Variants in GDF6 observed in about 807,000 individuals in gnomAD.
The protein encoded by GDF6 is growth differentiation factor 6, also known as growth/differentiation factor 6.
Under a neutral mutation model 32.4 loss-of-function variants are expected in GDF6, and 3 were observed. The ratio of observed to expected loss-of-function variants is 0.09; its 90% CI spans 0.04 to 0.24. The LOEUF is 0.24. Among genes scored for constraint, GDF6 ranks in the 10% least tolerant of loss-of-function variants. GDF6 has a pLI of 1.00. For synonymous variants in GDF6, 296 were observed against 295.3 expected (o/e 1.00, Z -0.03); for missense variants, 589 against 637.9 (o/e 0.92, Z 0.83).
At position 96,145,123 on chromosome 8, in the gene GDF6, G is replaced by A. The variant is rs866273025; in HGVS notation, c.808C>T (p.Arg270Trp). Residue 270 changes from arginine (R) to tryptophan (W), a missense_variant, in exon 2 of 2, where the codon CGG becomes TGG. Around this residue, in one of 2 missense-constraint regions of GDF6, gnomAD observed 436 missense variants for 411.2 expected, o/e 1.06. Coordinates refer to ENST00000287020, the MANE Select transcript of GDF6 (RefSeq NM_001001557.4). The surrounding 1 kb of genome is among the most constrained non-coding windows in gnomAD (Gnocchi z 5.6). ...AGCAGGGCCCGCTCCTGGGGAGGCCGCACCCTCCGGCCGAAGCCCAGACTC... is the reference window on the plus strand; with the variant it reads ...AGCAGGGCCCGCTCCTGGGGAGGCCACACCCTCCGGCCGAAGCCCAGACTC... Reference protein sequence around the residue: ...LRSLGFGRRVRPPQERALLVV... With the variant: ...LRSLGFGRRVWPPQERALLVV... The A allele has an allele frequency of 5.3e-6, 8 of 1,515,410 alleles. No homozygotes were observed. Among genetic ancestry groups the A allele is most frequent in the Admixed American group, 2.0e-5 (1 of 49,814 alleles). The allele number at this position is 1,515,410 out of a possible 1,614,324, so 93.9% of individuals were successfully genotyped here.
At chr8:96,153,792 G>A (rs943596101) in intron 1 of GDF6, among the ~76,000 whole-genome samples, 4 of 152,118 alleles carry the variant, frequency 2.6e-5, no homozygotes, top group Non-Finnish European at 5.9e-5. Context: ...ATTGGACTCA[G>A]CACCCAGGGG....
chr8:96,159,573 A>T (rs994951202), intron 1 of GDF6, among the ~76,000 whole-genome samples: 1 of 152,058 alleles, frequency 6.6e-6, no homozygotes, highest in African/African-American at 2.4e-5. Context: ...AGTACCCACA[A>T]CCTCCGAACT....
Position 96,156,001 on chromosome 8 carries a change from C to T in GDF6, c.406+4286G>A, listed in dbSNP as rs1218221495. On this transcript the variant is annotated intron_variant, in intron 1 of 1. Transcript: ENST00000287020. Reference sequence around the variant, plus strand: ...ATGCCCTCCCCGCAGCCGGGCTATTCCCAGAATGGTCCTGCTCTGCCCTTT... The same window carrying T: ...ATGCCCTCCCCGCAGCCGGGCTATTTCCAGAATGGTCCTGCTCTGCCCTTT... 2.0e-5 allele frequency among the ~76,000 whole-genome samples: 3 copies of T among 152,256 alleles called. No homozygotes were observed. In the East Asian group the frequency reaches 5.8e-4, roughly 29 times the overall value.
rs1193654817 is a variant in GDF6 at position 96,143,989 on chromosome 8, CCTAT to C, written c.*570_*573del. On this transcript the variant is annotated 3_prime_UTR_variant, in exon 2 of 2. Coordinates refer to ENST00000287020, the MANE Select transcript of GDF6 (RefSeq NM_001001557.4). ...CTTAACTATTCTTTTTGCCAATTTC[CCTAT>C]CTAACACTTTCTGTGTGGGAGGGCA... 1.9e-5 allele frequency: 3 copies of C among 160,036 alleles called. No individual in the cohort carries two copies. Among genetic ancestry groups the C allele is most frequent in the Admixed American group, 5.8e-5 (1 of 17,348 alleles). 9.9% of individuals were successfully genotyped at this position (160,036 alleles called of 1,614,324 possible). A position where few individuals can be genotyped will look rare whatever the true frequency, so the allele number is the denominator to read the frequency against.
At chr8:96,156,749 G>A (rs1354562746) in intron 1 of GDF6, among the ~76,000 whole-genome samples, 1 of 152,200 alleles carries the variant, frequency 6.6e-6, no homozygotes, top group African/African-American at 2.4e-5. Flanking sequence ...ACAGGAGGAA[G>A]CAAAGCACAC....
At chr8:96,159,226 T>C (rs1812719828) in intron 1 of GDF6, among the ~76,000 whole-genome samples, 1 of 152,218 alleles carries the variant, frequency 6.6e-6, no homozygotes, top group African/African-American at 2.4e-5. Flanking sequence ...TTCTCTTTAC[T>C]CTTCCTTTCC....
Position 96,145,026 on chromosome 8 carries a change from G to A in GDF6, c.905C>T (p.Ala302Val). 1 of 1,429,676 alleles carries A rather than the reference G, an allele frequency of 7.0e-7. No homozygotes were observed. The highest frequency in any genetic ancestry group is 9.2e-7 in the Non-Finnish European group (1 of 1,092,620). The allele number at this position is 1,429,676 out of a possible 1,614,324, so 88.6% of individuals were successfully genotyped here. ...EMREQLGSAE[A>V]AGPGAGAEGS... ...CTCGGCGCCCGCGCCCGGGCCCGCAGCCTCGGCCGAGCCCAGCTGCTCGCG... is the reference window on the plus strand; with the variant it reads ...CTCGGCGCCCGCGCCCGGGCCCGCAACCTCGGCCGAGCCCAGCTGCTCGCG... Residue 302 changes from alanine to valine, a missense_variant, in exon 2 of 2, where the codon GCT becomes GTT. Transcript: ENST00000287020. The surrounding 1 kb of genome is among the most constrained non-coding windows in gnomAD (Gnocchi z 5.6).
At chr8:96,155,887 C>A (rs1275657823) in intron 1 of GDF6, among the ~76,000 whole-genome samples, 1 of 152,194 alleles carries the variant, frequency 6.6e-6, no homozygotes. Context: ...CACCACTCTG[C>A]GGCTCAGGTC....
chr8:96,159,484 C>T (rs1475848535), intron 1 of GDF6, among the ~76,000 whole-genome samples: 3 of 152,172 alleles, frequency 2.0e-5, no homozygotes, highest in African/African-American at 7.2e-5. Context: ...CCCCACCAGC[C>T]CTCAGGAATA....
intron 1 of GDF6, 35 bp downstream of exon 1, chr8:96,160,252 C>A (rs200572271): frequency 1.9e-6 from 3 of 1,612,020 alleles, no homozygotes; most frequent in Non-Finnish European, 2.5e-6. Context: ...CGAGCTCCAG[C>A]GGGAGGGGAG....
intron 1 of GDF6, among the ~76,000 whole-genome samples, chr8:96,154,324 T>C (rs1812623146): frequency 6.6e-6 from 1 of 152,056 alleles, no homozygotes; most frequent in Non-Finnish European, 1.5e-5. Flanking sequence ...CGCCCGCCCC[T>C]TCCAAGCTCT....
In GDF6 at chr8:96,160,543, C is replaced by T. The variant is rs756784754; in HGVS notation, c.150G>A (p.Lys50=). 1 of 1,613,604 alleles carries T rather than the reference C, an allele frequency of 6.2e-7. No individual in the cohort carries two copies. The highest frequency in any genetic ancestry group is 8.5e-7 in the Non-Finnish European group (1 of 1,179,696). The stretch of plus-strand genomic sequence containing the variant: ...CACTGTCGCGCGGCGCCCGCTGCAT[C>T]TTGCCTTCCTTGCGGCTTCGCATGC... ...TKGMRSRKEG[K]MQRAPRDSDA... The change falls in exon 1 of 2, where the codon AAG becomes AAA. Residue 50 remains lysine (K), a synonymous_variant. Transcript: ENST00000287020.
chr8:96,146,701 CACACACAG>C (rs1167469809), intron 1 of GDF6, among the ~76,000 whole-genome samples: 18 of 129,786 alleles, frequency 1.4e-4, no homozygotes, highest in African/African-American at 6.1e-4. Flanking sequence ...CACACACACA[CACACACAG>C]AGAGAGAGAG....
chr8:96,144,292 A>AGAGGGAG lies in GDF6; in HGVS notation c.*270_*271insCTCCCTC, dbSNP rs1812428426. 1 of 321,468 alleles carries AGAGGGAG rather than the reference A, an allele frequency of 3.1e-6. No homozygotes were observed. Among genetic ancestry groups the AGAGGGAG allele is most frequent in the African/African-American group, 5.7e-5 (1 of 17,496 alleles). The allele number at this position is 321,468 out of a possible 1,614,324, so 19.9% of individuals were successfully genotyped here. ...AGAGAGAGAGAGAGAGAGAGAGAGAAAACAGAACAAAAGAAATCCTCCTTG... is the reference window on the plus strand; with the variant it reads ...AGAGAGAGAGAGAGAGAGAGAGAGAAGAGGGAGAACAGAACAAAAGAAATCCTCCTTG... On this transcript the variant is annotated 3_prime_UTR_variant, in exon 2 of 2. Transcript: ENST00000287020. The surrounding 1 kb of genome is among the most constrained non-coding windows in gnomAD (Gnocchi z 5.1).
At chr8:96,157,502 C>A (rs1466749890) in intron 1 of GDF6, among the ~76,000 whole-genome samples, 1 of 152,096 alleles carries the variant, frequency 6.6e-6, no homozygotes, top group Non-Finnish European at 1.5e-5. Flanking sequence ...TTGGGGGACC[C>A]CCGGCTCCAC....
chr8:96,160,245 G>A lies in GDF6; in HGVS notation c.406+42C>T, dbSNP rs111421390. The A allele has an allele frequency of 6.1e-4, 973 of 1,607,702 alleles. 5 individuals carry two copies. In the African/African-American group the frequency reaches 0.012, roughly 19 times the overall value. ...GCGGGAACAGCTCCCTGGCTGCCGA[G>A]CTCCAGCGGGAGGGGAGTCGAGCGT... On this transcript the variant is annotated intron_variant, in intron 1 of 1. Coordinates refer to ENST00000287020, the MANE Select transcript of GDF6 (RefSeq NM_001001557.4).
At chr8:96,156,275 A>C (rs922979773) in intron 1 of GDF6, among the ~76,000 whole-genome samples, 20 of 151,958 alleles carry the variant, frequency 1.3e-4, no homozygotes, top group Admixed American at 3.3e-4. Flanking sequence ...CGGTTCTCTC[A>C]TTCTTGAGAG....
Position 96,144,274 on chromosome 8 carries a change from G to GAGAGAGAGAGAGAA in GDF6, c.*288_*289insTTCTCTCTCTCTCT. ...AGAGAGAGAGAGAGAGAGAGAGAGAGAGAGAGAGAGAGAGAGAAAACAGAA... is the reference window on the plus strand; with the variant it reads ...AGAGAGAGAGAGAGAGAGAGAGAGAGAGAGAGAGAGAGAAAGAGAGAGAGAGAGAGAAAACAGAA... On this transcript the variant is annotated 3_prime_UTR_variant, in exon 2 of 2. Transcript: ENST00000287020. This position sits in a 1 kb window ranked among gnomAD's most constrained non-coding sequence, Gnocchi z 5.1. 6.4e-6 allele frequency: 3 copies of GAGAGAGAGAGAGAA among 466,464 alleles called. No individual in the cohort carries two copies. The highest frequency in any genetic ancestry group is 6.3e-5 in the South Asian group (3 of 47,466). 28.9% of individuals were successfully genotyped at this position (466,464 alleles called of 1,614,324 possible).
rs569025855 is a variant in GDF6, at chr8:96,159,708, A to G, written c.406+579T>C. Among the ~76,000 whole-genome samples the G allele has an allele frequency of 8.4e-4, 128 of 152,358 alleles. 1 individual carries two copies. In the South Asian group the frequency reaches 8.7e-3, roughly 10 times the overall value. The stretch of plus-strand genomic sequence containing the variant: ...AAAAAGCCGGAGGGCGCAGGGCTCC[A>G]GCCCGGCTGACCATCCCACCCAGCG... On this transcript the variant is annotated intron_variant, in intron 1 of 1. Transcript: ENST00000287020.
Sources: gnomAD v4.1 joint callset for allele counts (sites outside exome capture counted in the v4.1 genomes callset) on GRCh38, gnomAD v4.1.1 for gene constraint, gnomAD v4.1.1 regional missense constraint, Gnocchi (gnomAD v3.1) non-coding constraint, MANE v1.5 for transcripts, NCBI Gene and HGNC (gene_info 2026-07-23, HGNC 2026-07-21) for gene names.